Variants in RASEF observed in about 807,000 individuals in gnomAD.
The protein encoded by RASEF is RAS and EF-hand domain containing.
In RASEF, 68 loss-of-function variants were observed where a neutral mutation model predicts 90.1. The observed-to-expected ratio is 0.75, with a 90% CI of 0.62 to 0.92. The LOEUF (loss-of-function observed/expected upper bound fraction) is 0.92. Among genes scored for constraint, RASEF ranks in the 40% least tolerant of loss-of-function variants. The probability of loss-of-function intolerance (pLI) is 0.00; values close to 1 mark genes in which losing one functional copy is unlikely to be tolerated. For missense variants in RASEF, 949 were observed against 937.2 expected (o/e 1.01, Z -0.16); for synonymous variants, 331 against 345.2 (o/e 0.96, Z 0.46).
At chr9:83,183,041 C>T in the RASEF span, among the ~76,000 whole-genome samples, 1 of 152,042 alleles carries the variant, frequency 6.6e-6, no homozygotes, top group Non-Finnish European at 1.5e-5. Context: ...CAAAGGTAAA[C>T]AAGGAAACTT....
chr9:83,177,391 G>C, the RASEF span, among the ~76,000 whole-genome samples: 1 of 152,080 alleles, frequency 6.6e-6, no homozygotes, highest in South Asian at 2.1e-4. Context: ...TGCTATGCTA[G>C]CAACAAATTC....
the RASEF span, among the ~76,000 whole-genome samples, chr9:83,123,101 G>A: frequency 2.0e-5 from 3 of 152,264 alleles, no homozygotes; most frequent in African/African-American, 7.2e-5. Context: ...TTAGCTGGGT[G>A]TGGTGGCGTA....
the RASEF span, among the ~76,000 whole-genome samples, chr9:83,165,102 A>G: frequency 6.6e-6 from 1 of 152,052 alleles, no homozygotes; most frequent in South Asian, 2.1e-4. Flanking sequence ...AGATCCATCA[A>G]ATGGAAAATC....
the RASEF span, among the ~76,000 whole-genome samples, chr9:83,189,577 T>A: frequency 6.6e-6 from 1 of 152,308 alleles, no homozygotes; most frequent in Non-Finnish European, 1.5e-5. Context: ...AAAGCTGTAA[T>A]CCCAATTCAA....
chr9:83,062,691 G>A lies in RASEF; in HGVS notation c.177C>T (p.Asp59=). The change falls in exon 1 of 17, where the codon GAC becomes GAT. Residue 59 remains aspartate, a synonymous_variant. Transcript: ENST00000376447. ...AVFQRLDADR[D]GAITFQEFAR... The stretch of plus-strand genomic sequence containing the variant: ...CGAACTCCTGGAAGGTGATGGCGCC[G>A]TCACGGTCGGCGTCCAGCCGCTGGA... The A allele has an allele frequency of 1.9e-6, 3 of 1,574,808 alleles. No homozygotes were observed. Among genetic ancestry groups the A allele is most frequent in the Non-Finnish European group, 8.6e-7 (1 of 1,169,096 alleles).
At chr9:83,011,838 A>T (rs1461945006) in intron 5 of RASEF, among the ~76,000 whole-genome samples, 1 of 152,160 alleles carries the variant, frequency 6.6e-6, no homozygotes, top group Non-Finnish European at 1.5e-5. Context: ...TGAAGCTGGG[A>T]ACCTTCTAAG....
chr9:82,985,473 G>A (rs963818947), intron 16 of RASEF, among the ~76,000 whole-genome samples: 1 of 152,174 alleles, frequency 6.6e-6, no homozygotes. Context: ...GTTGAGATTT[G>A]GGTGGGGACA....
Position 83,062,957 on chromosome 9 carries a change from G to C in RASEF, c.-90C>G, listed in dbSNP as rs1830244668. On this transcript the variant is annotated 5_prime_UTR_variant, in exon 1 of 17. Transcript: ENST00000376447. ...GGACGGGGCCACCTGCTGCCGCCGG[G>C]AGGCCCGGCGAGTTTGGCTCGTCCG... 2 of 1,304,188 alleles carry C rather than the reference G, an allele frequency of 1.5e-6. No homozygotes were observed. Among genetic ancestry groups the C allele is most frequent in the Non-Finnish European group, 2.0e-6 (2 of 1,013,784 alleles). 80.8% of individuals were successfully genotyped at this position (1,304,188 alleles called of 1,614,324 possible).
In RASEF at chr9:82,998,369, C is replaced by A. The variant is rs1415843579; in HGVS notation, c.1801G>T (p.Glu601Ter). ...VLQLWDTAGQ[E>*]RFRSIAKSYF... is the part of the protein sequence containing the mutation. ...AGCGCTGCGGAATGCACTTGCCTCT[C>A]CTGACCAGCTGTATCCCAGAGCTGC... is the stretch of plus-strand genomic sequence containing the variant. Residue 601 changes from glutamate to a stop codon, truncating the protein, a stop_gained, in exon 13 of 17, where the codon GAG (glutamate) becomes TAG (stop). Coordinates refer to ENST00000376447, the MANE Select transcript of RASEF (RefSeq NM_152573.4). LOFTEE classifies it high-confidence loss of function. The A allele has an allele frequency of 6.2e-7, 1 of 1,610,950 alleles. No individual in the cohort carries two copies.
the RASEF span, among the ~76,000 whole-genome samples, chr9:83,130,517 T>TA: frequency 0.54 from 82,735 of 152,038 alleles, 23,074 homozygotes; most frequent in East Asian, 0.79. Context: ...TTCAGCAGAA[T>TA]AAACCACATT....
Position 82,982,411 on chromosome 9 carries a change from C to T in RASEF, c.*266G>A. On this transcript the variant is annotated 3_prime_UTR_variant, in exon 17 of 17. Transcript: ENST00000376447. The stretch of plus-strand genomic sequence containing the variant: ...TTTCTTTTCTTTTCTTTTTTTTTAC[C>T]ATTTTAAAAACATTTACATGTTATC... 3 of 228,960 alleles carry T rather than the reference C, an allele frequency of 1.3e-5. No individual in the cohort carries two copies. Among genetic ancestry groups the T allele is most frequent in the Non-Finnish European group, 2.6e-5 (3 of 117,376 alleles). 14.2% of individuals were successfully genotyped at this position (228,960 alleles called of 1,614,324 possible).
chr9:83,216,084 T>G, the RASEF span, among the ~76,000 whole-genome samples: 1 of 152,140 alleles, frequency 6.6e-6, no homozygotes, highest in South Asian at 2.1e-4. Context: ...GGAAGAAATT[T>G]CTAAGCAGCA....
At chr9:83,020,623 G>C (rs1055813137) in intron 3 of RASEF, among the ~76,000 whole-genome samples, 4 of 152,310 alleles carry the variant, frequency 2.6e-5, no homozygotes, top group Non-Finnish European at 5.9e-5. Context: ...ATAGAGAAAT[G>C]ATGCTGTGGA....
At chr9:83,109,025 C>T in the RASEF span, among the ~76,000 whole-genome samples, 1 of 152,200 alleles carries the variant, frequency 6.6e-6, no homozygotes, top group African/African-American at 2.4e-5. Context: ...CAATAGCTTA[C>T]AGACAAAGGA....
chr9:83,019,910 A>C (rs1829412192), intron 3 of RASEF, among the ~76,000 whole-genome samples: 1 of 152,218 alleles, frequency 6.6e-6, no homozygotes, highest in Admixed American at 6.5e-5. Flanking sequence ...ATTATCTGGC[A>C]AAAAGGGGCA....
chr9:83,197,806 G>C, the RASEF span, among the ~76,000 whole-genome samples: 2 of 152,194 alleles, frequency 1.3e-5, no homozygotes, highest in Admixed American at 1.3e-4. Flanking sequence ...AGGCCAGTTG[G>C]TTTATTAACG....
chr9:83,100,831 T>G, the RASEF span, among the ~76,000 whole-genome samples: 1 of 152,224 alleles, frequency 6.6e-6, no homozygotes, highest in Admixed American at 6.5e-5. Flanking sequence ...TAGAATGGGC[T>G]CAATAAATGA....
At chr9:83,178,233 T>A in the RASEF span, among the ~76,000 whole-genome samples, 10 of 152,208 alleles carry the variant, frequency 6.6e-5, no homozygotes, top group Admixed American at 6.5e-4. Flanking sequence ...CTTTAGCCCA[T>A]TTGACTAGCA....
chr9:83,082,569 T>C, the RASEF span, among the ~76,000 whole-genome samples: 1 of 152,076 alleles, frequency 6.6e-6, no homozygotes, highest in African/African-American at 2.4e-5. Context: ...CAACAACAAT[T>C]TTTTATCCAG....
Sources: gnomAD v4.1 joint callset for allele counts (sites outside exome capture counted in the v4.1 genomes callset) on GRCh38, gnomAD v4.1.1 for gene constraint, MANE v1.5 for transcripts, NCBI Gene and HGNC (gene_info 2026-07-23, HGNC 2026-07-21) for gene names.